STK3: variants seen among roughly 807,000 people sequenced by gnomAD.
The protein encoded by STK3 is serine/threonine-protein kinase 3.
In STK3, 41 loss-of-function variants were observed where a neutral mutation model predicts 58.0. The ratio of observed to expected loss-of-function variants is 0.71; its 90% CI spans 0.55 to 0.92. The LOEUF (loss-of-function observed/expected upper bound fraction) is 0.92. Ranked by LOEUF, STK3 falls within the 40% of genes least tolerant of loss-of-function variation. The pLI, the probability that STK3 is intolerant of heterozygous loss-of-function variation, is 0.00. For synonymous variants in STK3, 170 were observed against 191.0 expected (o/e 0.89, Z 0.91); for missense variants, 479 against 602.7 (o/e 0.79, Z 2.15).
intron 4 of STK3, among the ~76,000 whole-genome samples, chr8:98,742,444 C>G (rs757217686): frequency 8.2e-6 from 1 of 122,150 alleles, no homozygotes; most frequent in Non-Finnish European, 1.8e-5. Flanking sequence ...AATCAATAAA[C>G]GTAATCCATC....
chr8:98,727,386 C>G (rs1043078443), intron 4 of STK3, among the ~76,000 whole-genome samples: 1 of 152,090 alleles, frequency 6.6e-6, no homozygotes, highest in Non-Finnish European at 1.5e-5. Flanking sequence ...TTCCTCTCAC[C>G]CTGAATCAAG....
chr8:98,807,164 A>AT, intron 1 of STK3, among the ~76,000 whole-genome samples: 1 of 152,076 alleles, frequency 6.6e-6, no homozygotes, highest in East Asian at 1.9e-4. Flanking sequence ...AAAAAAAAAA[A>AT]AAAAAAAGGA....
intron 10 of STK3, among the ~76,000 whole-genome samples, chr8:98,469,252 C>T (rs995204631): frequency 1.0e-5 from 1 of 97,378 alleles, no homozygotes; most frequent in Non-Finnish European, 2.1e-5. Context: ...CTTTTCTTTG[C>T]GGGGGCGGGG....
chr8:98,714,531 A>G (rs1392470129), intron 4 of STK3, among the ~76,000 whole-genome samples: 1 of 152,234 alleles, frequency 6.6e-6, no homozygotes, highest in African/African-American at 2.4e-5. Context: ...TACCATTCAC[A>G]ATTGCTTCAA....
chr8:98,706,048 G>A (rs1314317618), intron 6 of STK3, among the ~76,000 whole-genome samples: 2 of 147,404 alleles, frequency 1.4e-5, no homozygotes, highest in Non-Finnish European at 3.0e-5. Flanking sequence ...CCAAAGAAGA[G>A]AAAAGGCAGA....
At chr8:98,651,056 C>A (rs1411237353) in intron 6 of STK3, among the ~76,000 whole-genome samples, 1 of 152,228 alleles carries the variant, frequency 6.6e-6, no homozygotes, top group Non-Finnish European at 1.5e-5. Context: ...GGTCCCTGAC[C>A]CCTGGCCCTG....
At chr8:98,724,180 A>G (rs1827636101) in intron 4 of STK3, among the ~76,000 whole-genome samples, 3 of 152,216 alleles carry the variant, frequency 2.0e-5, no homozygotes, top group Admixed American at 2.0e-4. Context: ...CCAGGACAGC[A>G]GTTCTTAAAG....
chr8:98,873,760 A>G (rs2131881778), intron 3 of STK3, among the ~76,000 whole-genome samples: 1 of 152,118 alleles, frequency 6.6e-6, no homozygotes, highest in African/African-American at 2.4e-5. Context: ...TGGGTCTCCC[A>G]AATACAGCAC....
chr8:98,803,593 C>CAAAAAAA (rs34316563), intron 1 of STK3, among the ~76,000 whole-genome samples: 4 of 38,834 alleles, frequency 1.0e-4, no homozygotes, highest in Non-Finnish European at 1.4e-4. Flanking sequence ...GACTCTGTTT[C>CAAAAAAA]AAAAAAAAAA....
intron 6 of STK3, chr8:98,633,515 C>A: frequency 1.5e-6 from 1 of 684,054 alleles, no homozygotes; most frequent in East Asian, 2.7e-5. Context: ...TTTGCCAGCT[C>A]AGGACTGAGT....
intron 8 of STK3, among the ~76,000 whole-genome samples, chr8:98,569,899 C>CAA (rs994594741): frequency 2.3e-5 from 3 of 131,096 alleles, no homozygotes; most frequent in African/African-American, 5.6e-5. Context: ...TGGTTTTCCT[C>CAA]AAAAAAAAAA....
At chr8:98,544,649 AAC>A (rs59159370) in intron 9 of STK3, among the ~76,000 whole-genome samples, 31,682 of 137,206 alleles carry the variant, frequency 0.23, 3,762 homozygotes, top group East Asian at 0.36. Flanking sequence ...ATTCTACTAT[AAC>A]ACACACACAC....
At chr8:98,935,674 C>T (rs1840168659) in intron 1 of STK3, among the ~76,000 whole-genome samples, 1 of 152,108 alleles carries the variant, frequency 6.6e-6, no homozygotes, top group Non-Finnish European at 1.5e-5. Flanking sequence ...AAAAGTCTTA[C>T]TGTCAAAGCA....
At chr8:98,684,959 T>C (rs983942115) in intron 6 of STK3, among the ~76,000 whole-genome samples, 4 of 152,148 alleles carry the variant, frequency 2.6e-5, no homozygotes, top group Non-Finnish European at 5.9e-5. Context: ...ATATTTTGTT[T>C]CACTTATGTG....
At chr8:98,704,339 G>A (rs1825816155) in intron 6 of STK3, among the ~76,000 whole-genome samples, 1 of 151,912 alleles carries the variant, frequency 6.6e-6, no homozygotes, top group African/African-American at 2.4e-5. Context: ...ACAAACACAA[G>A]AAAAGTTAAA....
intron 3 of STK3, among the ~76,000 whole-genome samples, chr8:98,764,103 T>C (rs1001574583): frequency 2.0e-5 from 3 of 152,218 alleles, no homozygotes; most frequent in Admixed American, 1.3e-4. Flanking sequence ...GCAGAAACCA[T>C]TTTTCATCAA....
chr8:98,425,788 C>T (rs556120430), intron 3 of STK3, among the ~76,000 whole-genome samples: 82 of 152,220 alleles, frequency 5.4e-4, no homozygotes, highest in Non-Finnish European at 5.6e-4. Flanking sequence ...GCCAGGATTG[C>T]GTAAAGAAAG....
intron 6 of STK3, among the ~76,000 whole-genome samples, chr8:98,679,296 T>G (rs1823452940): frequency 2.0e-5 from 3 of 152,138 alleles, no homozygotes; most frequent in Non-Finnish European, 2.9e-5. Context: ...CCATGCACAC[T>G]CCCACTTCAG....
intron 4 of STK3, among the ~76,000 whole-genome samples, chr8:98,738,469 G>C (rs4734414): frequency 1.3e-5 from 2 of 151,688 alleles, no homozygotes; most frequent in Non-Finnish European, 2.9e-5. Context: ...ACGAAACTCC[G>C]ACTCAAAATA....
Sources: gnomAD v4.1 joint callset for allele counts (sites outside exome capture counted in the v4.1 genomes callset) on GRCh38, gnomAD v4.1.1 for gene constraint, MANE v1.5 for transcripts, NCBI Gene and HGNC (gene_info 2026-07-23, HGNC 2026-07-21) for gene names.